The following HIP1R variants were observed in gnomAD, a reference collection of about 807,000 sequenced individuals.
HIP1R encodes huntingtin interacting protein 1 related.
HIP1R carries 135 observed loss-of-function variants against 144.2 expected under a neutral mutation model. That is an observed-to-expected ratio of 0.94 (90% CI 0.81 to 1.08). HIP1R has a LOEUF of 1.08. Ranked by LOEUF, HIP1R falls within the 50% of genes least tolerant of loss-of-function variation. HIP1R has a pLI of 0.00. For synonymous variants in HIP1R, 698 were observed against 612.8 expected (o/e 1.14, Z -2.05); for missense variants, 1,462 against 1,432.8 (o/e 1.02, Z -0.33).
chr12:122,856,047 G>GGAAGCA lies in HIP1R; in HGVS notation c.1207_1212dup (p.Gln403_Lys404dup), dbSNP rs1374839926. ...CTGGAGGGTGAGCTGGAGGAGCAGCGGAAGCAGAAGCAGAAGGCCCTGGTG... is the reference window on the plus strand; with the variant it reads ...CTGGAGGGTGAGCTGGAGGAGCAGCGGAAGCAGAAGCAGAAGCAGAAGGCCCTGGTG... On this transcript the variant is annotated inframe_insertion, in exon 14 of 32. Transcript: ENST00000253083. The GGAAGCA allele has an allele frequency of 4.4e-6, 7 of 1,593,860 alleles. No individual in the cohort carries two copies. Among genetic ancestry groups the GGAAGCA allele is most frequent in the Middle Eastern group, 1.7e-4 (1 of 6,046 alleles).
rs957379994 is a variant in HIP1R at position 122,847,134 on chromosome 12, A to G, written c.94-897A>G. Among the ~76,000 whole-genome samples, 15 of 150,748 alleles carry G rather than the reference A, an allele frequency of 1.0e-4. No homozygotes were observed. The South Asian group carries it at 1.5e-3, about 15-fold the overall frequency. On this transcript the variant is annotated intron_variant, in intron 1 of 31. Transcript: ENST00000253083. ...CCTGGACAGCTCTTCTCAGGTCACA[A>G]ACATTGGTGGTGGGGGACAGAGGTT...
chr12:122,856,867 A>G (rs2033598940), intron 17 of HIP1R, 141 bp downstream of exon 17: 1 of 1,018,154 alleles, frequency 9.8e-7, no homozygotes, highest in Non-Finnish European at 1.5e-6. Context: ...CCCAGGGGCT[A>G]CATGGGAGAC....
rs549734295 is a variant in HIP1R, at chr12:122,861,996, C to T, written c.*243C>T. On this transcript the variant is annotated 3_prime_UTR_variant, in exon 32 of 32. Coordinates refer to ENST00000253083, the MANE Select transcript of HIP1R (RefSeq NM_003959.3). ...GGAACTTTGGGGTGCAGCCAGGACCCGGTAGGCCTGAGCCTCAACTCTTCA... is the reference window on the plus strand; with the variant it reads ...GGAACTTTGGGGTGCAGCCAGGACCTGGTAGGCCTGAGCCTCAACTCTTCA... The T allele has an allele frequency of 1.2e-4, 61 of 509,912 alleles. No homozygotes were observed. Among genetic ancestry groups the T allele is most frequent in the African/African-American group, 1.4e-4 (7 of 51,120 alleles). The allele number at this position is 509,912 out of a possible 1,614,324, so 31.6% of individuals were successfully genotyped here. A position where few individuals can be genotyped will look rare whatever the true frequency, so the allele number is the denominator to read the frequency against.
In HIP1R at chr12:122,857,091, G is replaced by A. The variant is rs368392512; in HGVS notation, c.1691G>A (p.Arg564Gln). 100 of 1,551,058 alleles carry A rather than the reference G, an allele frequency of 6.4e-5. No individual in the cohort carries two copies. Among genetic ancestry groups the A allele is most frequent in the African/African-American group, 9.6e-5 (7 of 73,102 alleles). The part of the protein sequence containing the change: ...AEKDALSGAV[R>Q]QREADLLAAQ... ...AAGGATGCTCTGAGTGGAGCTGTGCGGCAGCGGGAGGCAGACCTGCTGGCG... is the reference window on the plus strand; with the variant it reads ...AAGGATGCTCTGAGTGGAGCTGTGCAGCAGCGGGAGGCAGACCTGCTGGCG... Residue 564 changes from arginine (R) to glutamine (Q), a missense_variant, in exon 18 of 32, where the codon CGG (arginine) becomes CAG (glutamine). Physicochemically the swap from Arg to Gln is conservative, Grantham distance 43. This residue lies in a region of HIP1R where 1,112 missense variants were observed against 1,011.7 expected (regional missense o/e 1.10). Transcript: ENST00000253083.
At chr12:122,857,703 C>T (rs180817775) in intron 18 of HIP1R, 90 of 266,302 alleles carry the variant, frequency 3.4e-4, no homozygotes, top group Admixed American at 7.3e-4. Flanking sequence ...CCACCAGCAA[C>T]GCATGAATGT....
At chr12:122,858,794 T>C in intron 20 of HIP1R, 44 bp from the exon 21 acceptor site, 2 of 1,353,760 alleles carry the variant, frequency 1.5e-6, no homozygotes, top group Non-Finnish European at 2.1e-6. Context: ...TGCTAGTGTC[T>C]CAGTGTCATC....
intron 1 of HIP1R, 113 bp downstream of exon 1, chr12:122,835,756 G>C (rs1186184933): frequency 1.9e-5 from 12 of 637,976 alleles, no homozygotes; most frequent in Non-Finnish European, 2.2e-5. Context: ...GCCAGGGGCG[G>C]GGGACGGCGC....
intron 18 of HIP1R, chr12:122,857,650 A>T: frequency 3.4e-6 from 1 of 293,384 alleles, no homozygotes; most frequent in Non-Finnish European, 6.5e-6. Flanking sequence ...CTGTTGAGAA[A>T]CTACCAGACT....
chr12:122,848,420 C>A, intron 2 of HIP1R, 46 bp from the exon 3 acceptor site: 1 of 1,568,870 alleles, frequency 6.4e-7, no homozygotes. Flanking sequence ...TTTGCTGAGC[C>A]CCCGTGCTCC....
chr12:122,848,131 G>T (rs1169253247), intron 2 of HIP1R, 37 bp downstream of exon 2: 2 of 1,604,602 alleles, frequency 1.2e-6, no homozygotes, highest in African/African-American at 1.3e-5. Context: ...GGAGTTGGGT[G>T]TGGATGTGGG....
chr12:122,852,940 G>A (rs981186873), intron 7 of HIP1R, among the ~76,000 whole-genome samples: 1 of 152,096 alleles, frequency 6.6e-6, no homozygotes, highest in Non-Finnish European at 1.5e-5. Context: ...GGCAAGGGGC[G>A]GCACTTTGTG....
intron 2 of HIP1R, 39 bp downstream of exon 2, chr12:122,848,133 G>T: frequency 1.2e-6 from 2 of 1,602,306 alleles, no homozygotes; most frequent in South Asian, 1.1e-5. Context: ...AGTTGGGTGT[G>T]GATGTGGGAG....
Position 122,850,833 on chromosome 12 carries a change from A to G in HIP1R, c.439-2A>G, listed in dbSNP as rs1357587775. Reference sequence around the variant, plus strand: ...GCCGCTGGGTGGGGGTTCTCTCCACAGCATCCCCAGTTTCCCGCGGGCCTG... The same window carrying G: ...GCCGCTGGGTGGGGGTTCTCTCCACGGCATCCCCAGTTTCCCGCGGGCCTG... On this transcript the variant is annotated splice_acceptor_variant, in intron 5 of 31. Transcript: ENST00000253083. LOFTEE classifies it high-confidence loss of function. 1 of 1,607,832 alleles carries G rather than the reference A, an allele frequency of 6.2e-7. No homozygotes were observed. The highest frequency in any genetic ancestry group is 8.5e-7 in the Non-Finnish European group (1 of 1,178,024).
chr12:122,855,015 G>T, intron 9 of HIP1R, 38 bp from the exon 10 acceptor site: 2 of 1,613,566 alleles, frequency 1.2e-6, no homozygotes, highest in Non-Finnish European at 1.7e-6. Flanking sequence ...AGGCTCCGTG[G>T]CCCCTTCCTG....
At chr12:122,835,412 C>T, upstream of HIP1R, 9 of 930,084 alleles carry the variant, frequency 9.7e-6, no homozygotes, top group Non-Finnish European at 1.1e-5. Flanking sequence ...GAGTTGGGGG[C>T]GGGGCGAGGC....
Position 122,858,854 on chromosome 12 carries a change from G to A in HIP1R, c.2067G>A (p.Val689=), listed in dbSNP as rs775710261. Residue 689 remains valine, a synonymous_variant, in exon 21 of 32, where the codon GTG becomes GTA. Transcript: ENST00000253083. The part of the protein sequence containing the change: ...LTSLADASAL[V]AALTRFSHLA... ...CCCGCACAGACGCCTCCGCCCTGGT[G>A]GCAGCTCTGACCCGCTTCTCCCACC... 6.2e-7 allele frequency: 1 copy of A among 1,612,996 alleles called. No homozygotes were observed. Among genetic ancestry groups the A allele is most frequent in the Non-Finnish European group, 8.5e-7 (1 of 1,179,884 alleles).
intron 5 of HIP1R, chr12:122,850,213 C>T: frequency 1.6e-6 from 1 of 628,254 alleles, no homozygotes; most frequent in East Asian, 3.2e-5. Context: ...GCTGGGCTTC[C>T]TCAGTCTCTG....
chr12:122,861,021 G>A lies in HIP1R; in HGVS notation c.2872G>A (p.Glu958Lys), dbSNP rs371230540. ...NVVASTKSGQ[E>K]QIEDRDTMDF... Reference sequence around the variant, plus strand: ...GGTGGCCTCCACCAAGTCAGGCCAGGAGCAGATTGAGGACAGAGGTGAGTG... The same window carrying A: ...GGTGGCCTCCACCAAGTCAGGCCAGAAGCAGATTGAGGACAGAGGTGAGTG... Residue 958 changes from glutamate to lysine, a missense_variant, in exon 29 of 32, where the codon GAG becomes AAG. Transcript: ENST00000253083. 7.4e-6 allele frequency: 12 copies of A among 1,613,764 alleles called. No individual in the cohort carries two copies. Among genetic ancestry groups the A allele is most frequent in the East Asian group, 2.2e-5 (1 of 44,868 alleles).
chr12:122,835,663 CG>C lies in HIP1R; in HGVS notation c.93+23del, dbSNP rs2032864932. 7 of 928,744 alleles carry C rather than the reference CG, an allele frequency of 7.5e-6. No individual in the cohort carries two copies. Among genetic ancestry groups the C allele is most frequent in the South Asian group, 9.7e-5 (2 of 20,558 alleles). The allele number at this position is 928,744 out of a possible 1,614,324, so 57.5% of individuals were successfully genotyped here. A position where few individuals can be genotyped will look rare whatever the true frequency, so the allele number is the denominator to read the frequency against. ...ACCCAGGCGAGCGGGCGGCGGGCGGCGGGCGGCGGGCGGCGGCGGGCGGGCG... is the reference window on the plus strand; with the variant it reads ...ACCCAGGCGAGCGGGCGGCGGGCGGCGGCGGCGGGCGGCGGCGGGCGGGCG... On this transcript the variant is annotated intron_variant, in intron 1 of 31. Coordinates refer to ENST00000253083, the MANE Select transcript of HIP1R (RefSeq NM_003959.3).
Sources: gnomAD v4.1 joint callset for allele counts (sites outside exome capture counted in the v4.1 genomes callset) on GRCh38, gnomAD v4.1.1 for gene constraint, gnomAD v4.1.1 regional missense constraint, MANE v1.5 for transcripts, NCBI Gene and HGNC (gene_info 2026-07-23, HGNC 2026-07-21) for gene names.